The following TMEM178B variants were observed in gnomAD, a reference collection of about 807,000 sequenced individuals.
TMEM178B encodes transmembrane protein 178B.
TMEM178B carries 5 observed loss-of-function variants against 31.0 expected under a neutral mutation model. The observed-to-expected ratio is 0.16, with a 90% CI of 0.08 to 0.34. The LOEUF (loss-of-function observed/expected upper bound fraction) is 0.34, where lower values mean the gene tolerates loss of function less well. TMEM178B is among the 10% of genes least tolerant of loss of function. TMEM178B has a pLI of 1.00. For missense variants in TMEM178B, 275 were observed against 400.3 expected, an observed-to-expected ratio of 0.69 and a Z score of 2.67; for synonymous variants, 164 against 164.0, an observed-to-expected ratio of 1.00 and a Z score of 0.00.
intron 2 of TMEM178B, among the ~76,000 whole-genome samples, chr7:141,428,183 G>A (rs1351243683): frequency 1.3e-5 from 2 of 151,880 alleles, no homozygotes; most frequent in African/African-American, 4.8e-5. Flanking sequence ...GACCAACATG[G>A]AGAAACCCTG....
At chr7:141,429,402 T>C (rs770704367) in intron 2 of TMEM178B, among the ~76,000 whole-genome samples, 40 of 151,982 alleles carry the variant, frequency 2.6e-4, no homozygotes, top group Admixed American at 1.2e-3. Flanking sequence ...TGCAACAACA[T>C]AGATGAACCT....
chr7:141,263,738 A>G (rs1798051850), intron 2 of TMEM178B, among the ~76,000 whole-genome samples: 2 of 152,330 alleles, frequency 1.3e-5, no homozygotes, highest in African/African-American at 4.8e-5. Context: ...GGATTTTCCC[A>G]GTGGCCTCTG....
chr7:141,397,968 T>C (rs1800687613), intron 2 of TMEM178B, among the ~76,000 whole-genome samples: 1 of 151,682 alleles, frequency 6.6e-6, no homozygotes, highest in Non-Finnish European at 1.5e-5. Context: ...GCAGGGAAAA[T>C]GGGAAGGGGT....
chr7:141,457,260 T>C (rs538208933), intron 3 of TMEM178B, among the ~76,000 whole-genome samples: 1 of 152,344 alleles, frequency 6.6e-6, no homozygotes, highest in African/African-American at 2.4e-5. Context: ...GTTTGCACTG[T>C]CACATGCTTT....
intron 1 of TMEM178B, among the ~76,000 whole-genome samples, chr7:141,166,798 C>T (rs1796269527): frequency 6.6e-6 from 1 of 152,222 alleles, no homozygotes; most frequent in Non-Finnish European, 1.5e-5. Context: ...ACAGCTTCTC[C>T]TGCAGATGTG....
At chr7:141,133,417 A>G (rs1243432722) in intron 1 of TMEM178B, among the ~76,000 whole-genome samples, 1 of 152,284 alleles carries the variant, frequency 6.6e-6, no homozygotes, top group South Asian at 2.1e-4. Flanking sequence ...CAGACATCCC[A>G]TAACTGAATA....
chr7:141,198,459 C>T (rs943158024), intron 1 of TMEM178B, among the ~76,000 whole-genome samples: 13 of 152,352 alleles, frequency 8.5e-5, no homozygotes, highest in Admixed American at 7.8e-4. Context: ...GCAGGAATGA[C>T]GAATTTCCAA....
At chr7:141,437,836 G>T (rs1801576944) in intron 3 of TMEM178B, 91 bp downstream of exon 3, 4 of 1,485,938 alleles carry the variant, frequency 2.7e-6, no homozygotes, top group Non-Finnish European at 2.7e-6. Context: ...CAGCAGAGGG[G>T]ACCATGACGT....
chr7:141,349,232 C>CTGATATTT, intron 2 of TMEM178B, among the ~76,000 whole-genome samples: 1 of 152,154 alleles, frequency 6.6e-6, no homozygotes, highest in East Asian at 1.9e-4. Flanking sequence ...TTTATTTGTA[C>CTGATATTT]TGATATTTCC....
chr7:141,131,900 C>T lies in TMEM178B; in HGVS notation c.382+57208C>T, dbSNP rs146662306. On this transcript the variant is annotated intron_variant, in intron 1 of 3. Coordinates refer to ENST00000565468, the MANE Select transcript of TMEM178B (RefSeq NM_001195278.2). ...AAAGTGGTTGAACTATTTTATACAC[C>T]CACCAACAATATAGGAAAGTTGCAG... Among the ~76,000 whole-genome samples the T allele has an allele frequency of 5.9e-3, 892 of 152,190 alleles. 10 individuals are homozygous for T. The highest frequency in any genetic ancestry group is 0.021 in the African/African-American group (853 of 41,508).
intron 1 of TMEM178B, among the ~76,000 whole-genome samples, chr7:141,197,927 C>T (rs750086533): frequency 1.3e-5 from 2 of 152,178 alleles, no homozygotes; most frequent in African/African-American, 2.4e-5. Flanking sequence ...GCCACCGCAC[C>T]CTGCCAGTTT....
intron 1 of TMEM178B, among the ~76,000 whole-genome samples, chr7:141,089,154 T>A (rs1280708226): frequency 6.6e-6 from 1 of 152,218 alleles, no homozygotes; most frequent in Non-Finnish European, 1.5e-5. Flanking sequence ...ATGTCACTAT[T>A]GCTGGAAAGA....
At chr7:141,193,850 T>A (rs1796737388) in intron 1 of TMEM178B, among the ~76,000 whole-genome samples, 2 of 152,194 alleles carry the variant, frequency 1.3e-5, no homozygotes, top group South Asian at 4.1e-4. Flanking sequence ...TACTTCTGTT[T>A]CCTGTTGAGT....
Position 141,269,740 on chromosome 7 carries a change from C to T in TMEM178B, c.496+57036C>T, listed in dbSNP as rs541642938. On this transcript the variant is annotated intron_variant, in intron 2 of 3. Transcript: ENST00000565468. The stretch of plus-strand genomic sequence containing the variant: ...GACTTTATGTCTTTTGAATGGAGAG[C>T]AGTGGTGCCTGAAGTTCTACTATAA... 5.5e-4 allele frequency among the ~76,000 whole-genome samples: 83 copies of T among 152,224 alleles called. 1 individual carries two copies. In the South Asian group the frequency reaches 0.017, roughly 31 times the overall value.
intron 2 of TMEM178B, among the ~76,000 whole-genome samples, chr7:141,212,977 C>T (rs756054752): frequency 6.6e-6 from 1 of 152,210 alleles, no homozygotes; most frequent in Admixed American, 6.5e-5. Flanking sequence ...ATTTCACTAC[C>T]CTGGTAGGCA....
rs550723784 is a variant in TMEM178B at position 141,347,223 on chromosome 7, A to G, written c.497-90385A>G. On this transcript the variant is annotated intron_variant, in intron 2 of 3. Coordinates refer to ENST00000565468, the MANE Select transcript of TMEM178B (RefSeq NM_001195278.2). ...AGTGCGAGAACGAGAACAGCCTAAT[A>G]TACTCATAAAGAAAAGAGAGGTGTG... 1.3e-3 allele frequency among the ~76,000 whole-genome samples: 191 copies of G among 152,292 alleles called. 4 individuals are homozygous for G. The South Asian group carries it at 0.038, about 31-fold the overall frequency.
At chr7:141,421,043 C>T (rs1206606216) in intron 2 of TMEM178B, among the ~76,000 whole-genome samples, 1 of 152,176 alleles carries the variant, frequency 6.6e-6, no homozygotes, top group Non-Finnish European at 1.5e-5. Context: ...GAGGCTATCT[C>T]CCGTTCCCAG....
intron 2 of TMEM178B, among the ~76,000 whole-genome samples, chr7:141,303,505 C>T (rs964259527): frequency 3.9e-5 from 6 of 152,208 alleles, no homozygotes; most frequent in Non-Finnish European, 5.9e-5. Flanking sequence ...ACAGAGATGG[C>T]CTCCCCAAAC....
chr7:141,171,073 ATAAAT>A lies in TMEM178B; in HGVS notation c.383-41513_383-41509del, dbSNP rs796101444. Among the ~76,000 whole-genome samples the A allele has an allele frequency of 1.5e-3, 227 of 151,866 alleles. 4 individuals are homozygous for A. Among genetic ancestry groups the A allele is most frequent in the African/African-American group, 5.1e-3 (211 of 41,434 alleles). The stretch of plus-strand genomic sequence containing the variant: ...ACACACACACACACACACCCTAAAT[ATAAAT>A]TAAAATAAATACTTGAAGTGTAACT... On this transcript the variant is annotated intron_variant, in intron 1 of 3. Coordinates refer to ENST00000565468, the MANE Select transcript of TMEM178B (RefSeq NM_001195278.2). This position sits in a 1 kb window ranked among gnomAD's most constrained non-coding sequence, Gnocchi z 4.3.
Sources: gnomAD v4.1 joint callset for allele counts (sites outside exome capture counted in the v4.1 genomes callset) on GRCh38, gnomAD v4.1.1 for gene constraint, Gnocchi (gnomAD v3.1) non-coding constraint, MANE v1.5 for transcripts, NCBI Gene and HGNC (gene_info 2026-07-23, HGNC 2026-07-21) for gene names.